RIMBP2: variants seen among roughly 807,000 people sequenced by gnomAD.
RIMBP2 encodes the protein RIMS-binding protein 2.
In RIMBP2, 48 loss-of-function variants were observed where a neutral mutation model predicts 118.6. That is an observed-to-expected ratio of 0.40 (90% CI 0.32 to 0.51). The LOEUF (loss-of-function observed/expected upper bound fraction) is 0.51. Among genes scored for constraint, RIMBP2 ranks in the 20% least tolerant of loss-of-function variants. RIMBP2 has a pLI of 0.41. For missense variants in RIMBP2, 1,551 were observed against 1,768.3 expected (o/e 0.88, Z 2.20); for synonymous variants, 762 against 742.9 (o/e 1.03, Z -0.42).
chr12:130,522,756 T>C (rs4759710), intron 2 of RIMBP2, among the ~76,000 whole-genome samples: 140,075 of 152,094 alleles, frequency 0.92, 64,830 homozygotes, highest in East Asian at 0.98. Flanking sequence ...CCACAGTGCC[T>C]GAGGCTGTCT....
chr12:130,678,943 G>T, intron 1 of RIMBP2, among the ~76,000 whole-genome samples: 1 of 152,230 alleles, frequency 6.6e-6, no homozygotes, highest in East Asian at 1.9e-4. Context: ...GACAGGGTTT[G>T]CTTTGGAAGT....
chr12:130,630,274 CAGAA>C lies in RIMBP2; in HGVS notation c.-351-1822_-351-1819del, dbSNP rs374221854. On this transcript the variant is annotated intron_variant, in intron 1 of 22. Transcript: ENST00000690449. ...CAGCTGACTGATGCCCAGCCAACTACAGAAAGAGTTATTGTCAAGTTAATTAATA... is the reference window on the plus strand; with the variant it reads ...CAGCTGACTGATGCCCAGCCAACTACAGAGTTATTGTCAAGTTAATTAATA... Among the ~76,000 whole-genome samples, 288 of 151,454 alleles carry C rather than the reference CAGAA, an allele frequency of 1.9e-3. 1 individual carries two copies. Among genetic ancestry groups the C allele is most frequent in the African/African-American group, 6.4e-3 (264 of 41,366 alleles).
chr12:130,456,673 A>G lies in RIMBP2; in HGVS notation c.181T>C (p.Cys61Arg). 6.2e-7 allele frequency: 1 copy of G among 1,609,144 alleles called. No individual in the cohort carries two copies. Among genetic ancestry groups the G allele is most frequent in the South Asian group, 1.1e-5 (1 of 90,890 alleles). ...TTGAACTGCTCACTTTGAGTCCGGC[A>G]TTTCTCTTCCAGCTCTCGAACCTTG... The part of the protein sequence containing the change: ...ESKVRELEEK[C>R]RTQSEQFNLL... The change falls in exon 7 of 23, where the codon TGC (cysteine) becomes CGC (arginine). Residue 61 changes from cysteine (C) to arginine (R), a missense_variant. Physicochemically the swap from Cys to Arg is radical, Grantham distance 180. Coordinates refer to ENST00000690449, the MANE Select transcript of RIMBP2 (RefSeq NM_001393629.1).
intron 1 of RIMBP2, among the ~76,000 whole-genome samples, chr12:130,699,082 G>C (rs1566465971): frequency 6.6e-6 from 1 of 152,092 alleles, no homozygotes; most frequent in Non-Finnish European, 1.5e-5. Context: ...CAGGAAATAG[G>C]TGCTGGAGAG....
intron 2 of RIMBP2, among the ~76,000 whole-genome samples, chr12:130,569,367 G>A (rs2057461556): frequency 6.6e-6 from 1 of 152,146 alleles, no homozygotes; most frequent in South Asian, 2.1e-4. Context: ...AGAATCCCAG[G>A]CTCCTTCTTC....
intron 2 of RIMBP2, among the ~76,000 whole-genome samples, chr12:130,571,416 A>ATAT (rs1555294910): frequency 0.013 from 1,335 of 104,250 alleles, 48 homozygotes; most frequent in African/African-American, 0.034. Flanking sequence ...CCATAGTAAC[A>ATAT]TTTTTTTTTT....
rs71088774 is a variant in RIMBP2, at chr12:130,648,033, G to GCACACACA, written c.-351-19578_-351-19577insTGTGTGTG. ...TGCACACACATGTGAACACACGTGT[G>GCACACACA]TACACACCCGCCTCACGTGGTACAG... On this transcript the variant is annotated intron_variant, in intron 1 of 22. Coordinates refer to ENST00000690449, the MANE Select transcript of RIMBP2 (RefSeq NM_001393629.1). 5.6e-4 allele frequency among the ~76,000 whole-genome samples: 82 copies of GCACACACA among 145,776 alleles called. 12 individuals carry two copies. The highest frequency in any genetic ancestry group is 9.9e-4 in the Non-Finnish European group (64 of 64,606).
Position 130,441,904 on chromosome 12 carries a change from G to A in RIMBP2, c.1448C>T (p.Pro483Leu), listed in dbSNP as rs777554273. ...AKPHQMPWQL[P>L]LEQREKKEAF... is the part of the protein sequence containing the mutation. ...CTCCTTCTTCTCCCTTTGCTCCAGCGGGAGCTGCCACGGCATCTGGTGGGG... is the reference window on the plus strand; with the variant it reads ...CTCCTTCTTCTCCCTTTGCTCCAGCAGGAGCTGCCACGGCATCTGGTGGGG... The change falls in exon 11 of 23, where the codon CCG becomes CTG. Residue 483 changes from proline (P) to leucine (L), a missense_variant. Pro to Leu is a moderately conservative substitution (Grantham distance 98). This residue lies in a region of RIMBP2 where 1,038 missense variants were observed against 1,125.1 expected (regional missense o/e 0.92). Transcript: ENST00000690449. The A allele has an allele frequency of 5.0e-6, 8 of 1,613,758 alleles. No individual in the cohort carries two copies. Among genetic ancestry groups the A allele is most frequent in the South Asian group, 2.2e-5 (2 of 91,084 alleles).
chr12:130,493,271 TC>T (rs1190510633), intron 4 of RIMBP2, among the ~76,000 whole-genome samples: 3 of 152,316 alleles, frequency 2.0e-5, no homozygotes, highest in African/African-American at 7.2e-5. Flanking sequence ...TTATTTGATC[TC>T]CCCTTTCCTG....
chr12:130,607,669 G>A (rs1003366027), intron 2 of RIMBP2, among the ~76,000 whole-genome samples: 30 of 151,864 alleles, frequency 2.0e-4, no homozygotes, highest in East Asian at 3.9e-4. Flanking sequence ...ACACAAATCC[G>A]ACTCCCCAGC....
At chr12:130,698,941 A>G (rs1295086767) in intron 1 of RIMBP2, among the ~76,000 whole-genome samples, 1 of 152,190 alleles carries the variant, frequency 6.6e-6, no homozygotes, top group East Asian at 1.9e-4. Context: ...GACACTTCTC[A>G]AAAGAAGACA....
At chr12:130,689,163 C>T (rs1201612111) in intron 1 of RIMBP2, among the ~76,000 whole-genome samples, 1 of 152,182 alleles carries the variant, frequency 6.6e-6, no homozygotes, top group Non-Finnish European at 1.5e-5. Flanking sequence ...GCTCCCGTGT[C>T]CTGGGCCGGG....
chr12:130,654,030 G>C (rs1464301849), intron 1 of RIMBP2, among the ~76,000 whole-genome samples: 1 of 152,194 alleles, frequency 6.6e-6, no homozygotes. Context: ...CCTGTTTCCT[G>C]TTGTCTTGGA....
intron 6 of RIMBP2, 103 bp downstream of exon 6, chr12:130,470,590 C>T (rs2080919830): frequency 1.7e-6 from 1 of 580,376 alleles, no homozygotes; most frequent in Admixed American, 4.4e-5. Flanking sequence ...ACTGGTGCAC[C>T]AGGCGCACTT....
chr12:130,455,175 T>C (rs1314116513), intron 7 of RIMBP2, among the ~76,000 whole-genome samples: 1 of 152,248 alleles, frequency 6.6e-6, no homozygotes, highest in Non-Finnish European at 1.5e-5. Context: ...AGAGACAGCA[T>C]GGAGACACGT....
intron 19 of RIMBP2, among the ~76,000 whole-genome samples, chr12:130,409,378 T>C (rs1292895472): frequency 7.5e-6 from 1 of 134,056 alleles, no homozygotes; most frequent in African/African-American, 2.7e-5. Context: ...ACTCTCGCTC[T>C]GTCGCCCAGG....
chr12:130,472,875 C>A (rs1190209423), intron 5 of RIMBP2, among the ~76,000 whole-genome samples: 1 of 152,128 alleles, frequency 6.6e-6, no homozygotes, highest in East Asian at 1.9e-4. Context: ...GTTAATTACA[C>A]CATTCTCAAG....
At chr12:130,635,428 G>A (rs2062292654) in intron 1 of RIMBP2, among the ~76,000 whole-genome samples, 1 of 152,182 alleles carries the variant, frequency 6.6e-6, no homozygotes, top group Non-Finnish European at 1.5e-5. Flanking sequence ...AGTGAGGATA[G>A]GCTGGACTCT....
chr12:130,599,671 A>G (rs2059759201), intron 2 of RIMBP2, among the ~76,000 whole-genome samples: 2 of 152,250 alleles, frequency 1.3e-5, no homozygotes, highest in South Asian at 4.1e-4. Context: ...GGAGTATATA[A>G]TGGCCCTACC....
Sources: allele counts gnomAD v4.1 joint callset (sites outside exome capture counted in the v4.1 genomes callset), GRCh38; gene constraint gnomAD v4.1.1; regional missense constraint gnomAD v4.1.1; transcripts MANE v1.5; gene names NCBI Gene and HGNC (gene_info 2026-07-23, HGNC 2026-07-21).